DYM: variants seen among roughly 807,000 people sequenced by gnomAD.
The protein encoded by DYM is dymeclin.
A neutral mutation model predicts 93.1 loss-of-function variants in DYM; 78 were observed. The ratio of observed to expected loss-of-function variants is 0.84; its 90% CI spans 0.70 to 1.01. The LOEUF is 1.01. Ranked by LOEUF, DYM falls within the 50% of genes least tolerant of loss-of-function variation. DYM has a pLI of 0.00. For missense variants in DYM, 789 were observed against 845.0 expected, an observed-to-expected ratio of 0.93 and a Z score of 0.82; for synonymous variants, 321 against 319.7, an observed-to-expected ratio of 1.00 and a Z score of -0.04.
chr18:49,164,055 G>T (rs1389470019), intron 14 of DYM, among the ~76,000 whole-genome samples: 1 of 152,024 alleles, frequency 6.6e-6, no homozygotes. Context: ...TTTTTCATAA[G>T]ATTACTATAG....
At chr18:49,188,131 A>G (rs1049112637) in intron 14 of DYM, among the ~76,000 whole-genome samples, 48 of 152,240 alleles carry the variant, frequency 3.2e-4, no homozygotes, top group African/African-American at 1.1e-3. Context: ...ACTATAAAGC[A>G]ATCATTTTAA....
intron 13 of DYM, among the ~76,000 whole-genome samples, chr18:49,230,094 A>C (rs1340296619): frequency 6.6e-6 from 1 of 152,168 alleles, no homozygotes; most frequent in East Asian, 1.9e-4. Context: ...CGGAATCTTT[A>C]GGGAGATGAA....
intron 17 of DYM, among the ~76,000 whole-genome samples, chr18:49,080,150 C>CGGGGG (rs749381960): frequency 0.018 from 176 of 10,038 alleles, 11 homozygotes; most frequent in African/African-American, 0.046. Flanking sequence ...GGCGGCTGGC[C>CGGGGG]GGGGGGGGGC....
chr18:49,287,185 C>A (rs1018067501), intron 8 of DYM, among the ~76,000 whole-genome samples: 2 of 151,602 alleles, frequency 1.3e-5, no homozygotes, highest in African/African-American at 2.4e-5. Flanking sequence ...AGACTCATCT[C>A]AAAAAATAAT....
chr18:49,271,162 A>G (rs978915958), intron 11 of DYM, among the ~76,000 whole-genome samples: 3 of 152,170 alleles, frequency 2.0e-5, no homozygotes, highest in Non-Finnish European at 2.9e-5. Context: ...GTTTGAATAT[A>G]TTTTGAGCAA....
chr18:49,298,928 T>C (rs950239255), intron 8 of DYM, among the ~76,000 whole-genome samples: 3 of 152,216 alleles, frequency 2.0e-5, no homozygotes, highest in Non-Finnish European at 2.9e-5. Flanking sequence ...AAAAGCCTTG[T>C]GCCCTCAGAG....
At chr18:49,167,851 G>A (rs548921998) in intron 14 of DYM, among the ~76,000 whole-genome samples, 1 of 152,164 alleles carries the variant, frequency 6.6e-6, no homozygotes, top group East Asian at 1.9e-4. Flanking sequence ...GCATAAGAAT[G>A]TTCATTACAA....
At chr18:49,147,687 G>T (rs2085316046) in intron 15 of DYM, among the ~76,000 whole-genome samples, 1 of 151,868 alleles carries the variant, frequency 6.6e-6, no homozygotes, top group African/African-American at 2.4e-5. Context: ...AAAAAGTCAG[G>T]AAACAACAGG....
intron 13 of DYM, among the ~76,000 whole-genome samples, chr18:49,244,089 C>G (rs748642469): frequency 6.6e-6 from 1 of 152,072 alleles, no homozygotes; most frequent in Non-Finnish European, 1.5e-5. Flanking sequence ...CCTCAAACCC[C>G]GAAGTCCTCA....
chr18:49,243,296 G>A (rs1050771987), intron 13 of DYM, among the ~76,000 whole-genome samples: 2 of 152,202 alleles, frequency 1.3e-5, no homozygotes, highest in South Asian at 2.1e-4. Flanking sequence ...ACACATGGTA[G>A]CCACACAGAA....
At chr18:49,167,709 A>G (rs986991964) in intron 14 of DYM, among the ~76,000 whole-genome samples, 2 of 152,210 alleles carry the variant, frequency 1.3e-5, no homozygotes, top group South Asian at 4.1e-4. Context: ...TTGTATGTAA[A>G]TGGATAAATT....
chr18:49,175,180 A>G (rs1049599834), intron 14 of DYM, among the ~76,000 whole-genome samples: 39 of 152,180 alleles, frequency 2.6e-4, no homozygotes, highest in Non-Finnish European at 5.0e-4. Context: ...AAGTTCATTT[A>G]AGGCCTTGAT....
At chr18:49,066,706 T>C (rs1410102875) in intron 17 of DYM, among the ~76,000 whole-genome samples, 2 of 152,198 alleles carry the variant, frequency 1.3e-5, no homozygotes, top group East Asian at 3.8e-4. Flanking sequence ...ATCTGTACAA[T>C]TTGGATTCTT....
intron 14 of DYM, among the ~76,000 whole-genome samples, chr18:49,173,598 T>C (rs1372214355): frequency 6.6e-6 from 1 of 152,084 alleles, no homozygotes; most frequent in Non-Finnish European, 1.5e-5. Context: ...ATAGCAAGAA[T>C]GTAGAAATAA....
chr18:49,423,470 T>C (rs1181397652), intron 2 of DYM, among the ~76,000 whole-genome samples: 12 of 151,978 alleles, frequency 7.9e-5, no homozygotes, highest in African/African-American at 2.9e-4. Context: ...CAACCTAATG[T>C]CACAATTAAA....
chr18:49,396,713 C>T (rs1365188658), intron 2 of DYM, among the ~76,000 whole-genome samples: 1 of 151,990 alleles, frequency 6.6e-6, no homozygotes, highest in Non-Finnish European at 1.5e-5. Flanking sequence ...TAATGAGGTA[C>T]ATATACACAA....
At chr18:49,194,454 T>C (rs2091256188) in intron 14 of DYM, among the ~76,000 whole-genome samples, 1 of 152,218 alleles carries the variant, frequency 6.6e-6, no homozygotes, top group Non-Finnish European at 1.5e-5. Flanking sequence ...TTGGATCAAA[T>C]ATGAATTTCA....
intron 17 of DYM, chr18:49,048,262 T>C (rs1165795889): frequency 6.6e-6 from 1 of 152,210 alleles, no homozygotes; most frequent in African/African-American, 2.4e-5. Flanking sequence ...TCATCCATGA[T>C]AATGGAGATG....
intron 6 of DYM, among the ~76,000 whole-genome samples, chr18:49,347,655 C>T (rs1415592657): frequency 6.6e-6 from 1 of 152,126 alleles, no homozygotes; most frequent in African/African-American, 2.4e-5. Context: ...CCGTAACTTT[C>T]TATAATGCTC....
Sources: allele counts gnomAD v4.1 joint callset (sites outside exome capture counted in the v4.1 genomes callset), GRCh38; gene constraint gnomAD v4.1.1; transcripts MANE v1.5; gene names NCBI Gene and HGNC (gene_info 2026-07-23, HGNC 2026-07-21).